KCNQ1: variants seen among roughly 807,000 people sequenced by gnomAD.
The protein encoded by KCNQ1 is potassium voltage-gated channel subfamily Q member 1, also known as potassium voltage-gated channel subfamily KQT member 1.
In KCNQ1, 49 loss-of-function variants were observed where a neutral mutation model predicts 72.4. The ratio of observed to expected loss-of-function variants is 0.68; its 90% CI spans 0.54 to 0.86. KCNQ1 has a LOEUF of 0.86. Ranked by LOEUF, KCNQ1 falls within the 40% of genes least tolerant of loss-of-function variation. KCNQ1 has a pLI of 0.00. For synonymous variants in KCNQ1, 450 were observed against 412.6 expected (o/e 1.09, Z -1.10); for missense variants, 790 against 945.1 (o/e 0.84, Z 2.15).
rs1298885241 is a variant in KCNQ1, at chr11:2,778,176, C to A, written c.1794+139C>A. On this transcript the variant is annotated intron_variant, in intron 15 of 15. Coordinates refer to ENST00000155840, the MANE Select transcript of KCNQ1 (RefSeq NM_000218.3). ...CCAGTGCCTACTGCAGCCTGCCCAG[C>A]AACTCCCAAGAGGGGCCCAGGCCCA... The A allele has an allele frequency of 7.0e-6, 6 of 853,766 alleles. No individual in the cohort carries two copies. The East Asian group carries it at 1.3e-4, about 18-fold the overall frequency. 52.9% of individuals were successfully genotyped at this position (853,766 alleles called of 1,614,324 possible). A position where few individuals can be genotyped will look rare whatever the true frequency, so the allele number is the denominator to read the frequency against.
rs894803371 is a variant in KCNQ1, at chr11:2,595,495, T to G, written c.1393+6641T>G. ...ACCATTTCAACAATCCTAGGGCCCT[T>G]AAGAATTATGCTAAATCTACTCTGC... On this transcript the variant is annotated intron_variant, in intron 10 of 15. Coordinates refer to ENST00000155840, the MANE Select transcript of KCNQ1 (RefSeq NM_000218.3). The surrounding 1 kb of genome is among the most constrained non-coding windows in gnomAD (Gnocchi z 5.0). Among the ~76,000 whole-genome samples the G allele has an allele frequency of 6.6e-6, 1 of 152,156 alleles. No homozygotes were observed. The highest frequency in any genetic ancestry group is 2.4e-5 in the African/African-American group (1 of 41,420).
chr11:2,500,617 A>G (rs1846994113), intron 1 of KCNQ1, among the ~76,000 whole-genome samples: 1 of 152,220 alleles, frequency 6.6e-6, no homozygotes, highest in Admixed American at 6.5e-5. Flanking sequence ...AAGACTTGGA[A>G]CCAACCCAAA....
Position 2,620,987 on chromosome 11 carries a change from T to C in KCNQ1, c.1393+32133T>C. 2.5e-6 allele frequency: 1 copy of C among 398,086 alleles called. No homozygotes were observed. The highest frequency in any genetic ancestry group is 4.4e-6 in the Non-Finnish European group (1 of 226,070). The allele number at this position is 398,086 out of a possible 1,614,324, so 24.7% of individuals were successfully genotyped here. ...GTTTTTTGCTTTTTTGTTTGTTTGT[T>C]TGTTTTTTGAGAAAGAGTCTTGCTC... On this transcript the variant is annotated intron_variant, in intron 10 of 15. Coordinates refer to ENST00000155840, the MANE Select transcript of KCNQ1 (RefSeq NM_000218.3). The surrounding 1 kb of genome is among the most constrained non-coding windows in gnomAD (Gnocchi z 4.5).
In KCNQ1 at chr11:2,668,843, G is replaced by A; in HGVS notation, c.1514+6762G>A. On this transcript the variant is annotated intron_variant, in intron 11 of 15. Coordinates refer to ENST00000155840, the MANE Select transcript of KCNQ1 (RefSeq NM_000218.3). This position sits in a 1 kb window ranked among gnomAD's most constrained non-coding sequence, Gnocchi z 4.3. Reference sequence around the variant, plus strand: ...ATCAAACATTTCCTCTCTGGATAGGGCTGTTTGTGTCCTATTTAAGAAACT... The same window carrying A: ...ATCAAACATTTCCTCTCTGGATAGGACTGTTTGTGTCCTATTTAAGAAACT... The A allele has an allele frequency of 2.5e-6, 1 of 398,576 alleles. No homozygotes were observed. The highest frequency in any genetic ancestry group is 4.4e-6 in the Non-Finnish European group (1 of 226,066). 24.7% of individuals were successfully genotyped at this position (398,576 alleles called of 1,614,324 possible).
In KCNQ1 at chr11:2,817,191, C is replaced by T. The variant is rs1270672794; in HGVS notation, c.1795-30576C>T. Among the ~76,000 whole-genome samples, 2 of 152,236 alleles carry T rather than the reference C, an allele frequency of 1.3e-5. No homozygotes were observed. The highest frequency in any genetic ancestry group is 4.8e-5 in the African/African-American group (2 of 41,474). On this transcript the variant is annotated intron_variant, in intron 15 of 15. Transcript: ENST00000155840. The surrounding 1 kb of genome is among the most constrained non-coding windows in gnomAD (Gnocchi z 6.1). ...CTTTCAAGGGTTAACGGTGCAAGCT[C>T]CTCACGGCACCAGTGCGCTTGCCTT...
At chr11:2,688,465 C>A (rs538392395) in intron 11 of KCNQ1, 1 of 398,750 alleles carries the variant, frequency 2.5e-6, no homozygotes, top group South Asian at 1.3e-4. Context: ...CAGGAGAACA[C>A]CACACTGAGG....
In KCNQ1 at chr11:2,653,869, G is replaced by A; in HGVS notation, c.1394-8092G>A. 2.5e-6 allele frequency: 1 copy of A among 398,648 alleles called. No individual in the cohort carries two copies. 24.7% of individuals were successfully genotyped at this position (398,648 alleles called of 1,614,324 possible). A position where few individuals can be genotyped will look rare whatever the true frequency, so the allele number is the denominator to read the frequency against. ...AGGGTACCTAAACACTGCACACTAG[G>A]AGTGGGAAAGGAAGAGCCCCCTAAG... On this transcript the variant is annotated intron_variant, in intron 10 of 15. Coordinates refer to ENST00000155840, the MANE Select transcript of KCNQ1 (RefSeq NM_000218.3). The surrounding 1 kb of genome is among the most constrained non-coding windows in gnomAD (Gnocchi z 5.3).
chr11:2,650,853 G>A (rs1451820175), intron 10 of KCNQ1: 2 of 398,534 alleles, frequency 5.0e-6, no homozygotes, highest in South Asian at 1.3e-4. Context: ...AGGGGAGGAT[G>A]AGTGAGATGA....
At position 2,682,876 on chromosome 11, in the gene KCNQ1, G is replaced by A. The variant is rs1850422422; in HGVS notation, c.1514+20795G>A. 2.5e-6 allele frequency: 1 copy of A among 398,618 alleles called. No individual in the cohort carries two copies. The highest frequency in any genetic ancestry group is 3.6e-5 in the East Asian group (1 of 28,066). 24.7% of individuals were successfully genotyped at this position (398,618 alleles called of 1,614,324 possible). A position where few individuals can be genotyped will look rare whatever the true frequency, so the allele number is the denominator to read the frequency against. On this transcript the variant is annotated intron_variant, in intron 11 of 15. Coordinates refer to ENST00000155840, the MANE Select transcript of KCNQ1 (RefSeq NM_000218.3). This position sits in a 1 kb window ranked among gnomAD's most constrained non-coding sequence, Gnocchi z 5.8. Reference sequence around the variant, plus strand: ...TTGTAGACCAGGAAACTGAGGCTTGGGGATAGCAGATGTTCCCAGACAGAA... The same window carrying A: ...TTGTAGACCAGGAAACTGAGGCTTGAGGATAGCAGATGTTCCCAGACAGAA...
intron 2 of KCNQ1, among the ~76,000 whole-genome samples, chr11:2,535,721 C>G (rs1847719594): frequency 6.6e-6 from 1 of 152,226 alleles, no homozygotes; most frequent in Non-Finnish European, 1.5e-5. Context: ...GGTCAGGTGA[C>G]TGGTACCCCC....
chr11:2,831,530 C>T (rs561215405), intron 15 of KCNQ1, among the ~76,000 whole-genome samples: 6 of 152,198 alleles, frequency 3.9e-5, no homozygotes, highest in Admixed American at 2.0e-4. Flanking sequence ...CCCTTAGGCC[C>T]AGATCTATTC....
In KCNQ1 at chr11:2,809,630, C is replaced by T. The variant is rs1270565253; in HGVS notation, c.1794+31593C>T. Reference sequence around the variant, plus strand: ...CTCCTGACTGGTTGGGTTTCTGCCTCGGTCGCTGACTCCAGAGGGCCCCAC... The same window carrying T: ...CTCCTGACTGGTTGGGTTTCTGCCTTGGTCGCTGACTCCAGAGGGCCCCAC... On this transcript the variant is annotated intron_variant, in intron 15 of 15. Coordinates refer to ENST00000155840, the MANE Select transcript of KCNQ1 (RefSeq NM_000218.3). The surrounding 1 kb of genome is among the most constrained non-coding windows in gnomAD (Gnocchi z 7.1). Among the ~76,000 whole-genome samples, 2 of 152,166 alleles carry T rather than the reference C, an allele frequency of 1.3e-5. No homozygotes were observed. Among genetic ancestry groups the T allele is most frequent in the Non-Finnish European group, 2.9e-5 (2 of 68,042 alleles).
rs1850218279 is a variant in KCNQ1 at position 2,673,213 on chromosome 11, A to C, written c.1514+11132A>C. 5.0e-6 allele frequency: 2 copies of C among 398,612 alleles called. No homozygotes were observed. The highest frequency in any genetic ancestry group is 8.8e-5 in the Admixed American group (2 of 22,738). 24.7% of individuals were successfully genotyped at this position (398,612 alleles called of 1,614,324 possible). A position where few individuals can be genotyped will look rare whatever the true frequency, so the allele number is the denominator to read the frequency against. ...GCCAAAAGCCGAACTGTGACTAGGC[A>C]AGCTGAGTCCCCTGTAGATTCTGGG... On this transcript the variant is annotated intron_variant, in intron 11 of 15. Transcript: ENST00000155840. This position sits in a 1 kb window ranked among gnomAD's most constrained non-coding sequence, Gnocchi z 4.5.
Position 2,608,749 on chromosome 11 carries a change from A to G in KCNQ1, c.1393+19895A>G, listed in dbSNP as rs939099376. The G allele has an allele frequency of 7.5e-6, 3 of 398,636 alleles. No individual in the cohort carries two copies. The highest frequency in any genetic ancestry group is 1.3e-5 in the Non-Finnish European group (3 of 226,100). 24.7% of individuals were successfully genotyped at this position (398,636 alleles called of 1,614,324 possible). A position where few individuals can be genotyped will look rare whatever the true frequency, so the allele number is the denominator to read the frequency against. ...AGCAATTCTCCTGCCTTGGCCTCCC[A>G]AAGTGCTGGGATTACAGGTGTGAGC... On this transcript the variant is annotated intron_variant, in intron 10 of 15. Coordinates refer to ENST00000155840, the MANE Select transcript of KCNQ1 (RefSeq NM_000218.3). This position sits in a 1 kb window ranked among gnomAD's most constrained non-coding sequence, Gnocchi z 4.6.
At chr11:2,699,671 A>ACCGCGCCGAAGAACCCCCGGGGAGAG (rs1850753307) in intron 11 of KCNQ1, 1 of 348,904 alleles carries the variant, frequency 2.9e-6, no homozygotes, top group Non-Finnish European at 5.1e-6. Context: ...CCCGGGGAGA[A>ACCGCGCCGAAGAACCCCCGGGGAGAG]CCGCGCCGAA....
rs151022644 is a variant in KCNQ1, at chr11:2,588,666, G to A, written c.1252-47G>A. ...CACTCTGGGGCCGGCGTAGGGCCTGGCAGACGATGTCCAGGAACCGCTAAT... is the reference window on the plus strand; with the variant it reads ...CACTCTGGGGCCGGCGTAGGGCCTGACAGACGATGTCCAGGAACCGCTAAT... On this transcript the variant is annotated intron_variant, in intron 9 of 15. Transcript: ENST00000155840. The surrounding 1 kb of genome is among the most constrained non-coding windows in gnomAD (Gnocchi z 5.6). The A allele has an allele frequency of 1.2e-6, 2 of 1,610,188 alleles. No individual in the cohort carries two copies. The highest frequency in any genetic ancestry group is 1.3e-5 in the African/African-American group (1 of 74,992).
At chr11:2,485,300 CAA>C (rs142689287) in intron 1 of KCNQ1, among the ~76,000 whole-genome samples, 2,399 of 151,976 alleles carry the variant, frequency 0.016, 57 homozygotes, top group African/African-American at 0.041. Flanking sequence ...CAGAGGTGCA[CAA>C]AGAGTGTCCT....
At position 2,488,578 on chromosome 11, in the gene KCNQ1, G is replaced by T. The variant is rs1319589701; in HGVS notation, c.387-39350G>T. Among the ~76,000 whole-genome samples the T allele has an allele frequency of 5.9e-5, 9 of 152,136 alleles. 1 individual carries two copies. The East Asian group carries it at 1.7e-3, about 29-fold the overall frequency. ...TTGTATTTCTTTGTGATTTAGTTTT[G>T]GTAGGTTTCGTGTTTCTCAGAATTT... On this transcript the variant is annotated intron_variant, in intron 1 of 15. Coordinates refer to ENST00000155840, the MANE Select transcript of KCNQ1 (RefSeq NM_000218.3). This position sits in a 1 kb window ranked among gnomAD's most constrained non-coding sequence, Gnocchi z 5.1.
At position 2,544,292 on chromosome 11, in the gene KCNQ1, ATG is replaced by A. The variant is rs61425915; in HGVS notation, c.477+16276_477+16277del. 8.6e-4 allele frequency among the ~76,000 whole-genome samples: 118 copies of A among 137,434 alleles called. No homozygotes were observed. The highest frequency in any genetic ancestry group is 3.3e-3 in the African/African-American group (102 of 31,348). The allele number at this position is 137,434 out of a possible 152,430, so 90.2% of individuals were successfully genotyped here. A position where few individuals can be genotyped will look rare whatever the true frequency, so the allele number is the denominator to read the frequency against. ...TGTGTATATATATGTGTATATATAT[ATG>A]TATATATGTGTATATATGTATATAT... On this transcript the variant is annotated intron_variant, in intron 2 of 15. Transcript: ENST00000155840. The surrounding 1 kb of genome is among the most constrained non-coding windows in gnomAD (Gnocchi z 4.4).
Sources: gnomAD v4.1 joint callset for allele counts (sites outside exome capture counted in the v4.1 genomes callset) on GRCh38, gnomAD v4.1.1 for gene constraint, Gnocchi (gnomAD v3.1) non-coding constraint, MANE v1.5 for transcripts, NCBI Gene and HGNC (gene_info 2026-07-23, HGNC 2026-07-21) for gene names.